STXBP5L: variants seen among roughly 807,000 people sequenced by gnomAD.
STXBP5L encodes the protein syntaxin-binding protein 5-like.
Under a neutral mutation model 144.5 loss-of-function variants are expected in STXBP5L, and 65 were observed. The observed-to-expected ratio is 0.45, with a 90% CI of 0.37 to 0.55. The LOEUF (loss-of-function observed/expected upper bound fraction) is 0.55. Among genes scored for constraint, STXBP5L ranks in the 20% least tolerant of loss-of-function variants. The probability of loss-of-function intolerance (pLI) is 0.00; values close to 1 mark genes in which losing one functional copy is unlikely to be tolerated. For synonymous variants in STXBP5L, 505 were observed against 469.6 expected (o/e 1.08, Z -0.97); for missense variants, 1,298 against 1,405.5 (o/e 0.92, Z 1.22).
intron 9 of STXBP5L, among the ~76,000 whole-genome samples, chr3:121,180,754 A>T (rs1188448173): frequency 6.6e-6 from 1 of 152,154 alleles, no homozygotes; most frequent in Admixed American, 6.5e-5. Context: ...CATGCCTGTA[A>T]TCTCAGCTAC....
chr3:121,203,054 CT>C (rs1223173810), intron 9 of STXBP5L, among the ~76,000 whole-genome samples: 1 of 148,152 alleles, frequency 6.7e-6, no homozygotes, highest in African/African-American at 2.5e-5. Flanking sequence ...GTTCATACTC[CT>C]TCATTCTTTT....
In STXBP5L at chr3:121,102,514, G is replaced by A. The variant is rs1358085756; in HGVS notation, c.471-12411G>A. Among the ~76,000 whole-genome samples the A allele has an allele frequency of 2.6e-5, 4 of 152,170 alleles. No homozygotes were observed. The East Asian group carries it at 7.7e-4, about 29-fold the overall frequency. ...TGTGATACTTGGCTACCCATATGCA[G>A]AAAAATGAACTAGACCTCTACCATA... On this transcript the variant is annotated intron_variant, in intron 5 of 26. Coordinates refer to ENST00000471454, the MANE Select transcript of STXBP5L (RefSeq NM_001308330.2).
chr3:121,045,241 G>T (rs1024513095), intron 4 of STXBP5L, among the ~76,000 whole-genome samples, 194 bp from the exon 5 acceptor site: 1 of 151,914 alleles, frequency 6.6e-6, no homozygotes, highest in African/African-American at 2.4e-5. Context: ...AAATGCAGTG[G>T]GTCAGTTGCC....
At chr3:121,165,087 A>G (rs2108034088) in intron 9 of STXBP5L, among the ~76,000 whole-genome samples, 1 of 152,362 alleles carries the variant, frequency 6.6e-6, no homozygotes, top group East Asian at 1.9e-4. Context: ...TTGCCTCACT[A>G]TAGTAACATG....
chr3:120,936,278 C>T (rs1710260587), intron 2 of STXBP5L, among the ~76,000 whole-genome samples: 1 of 151,946 alleles, frequency 6.6e-6, no homozygotes, highest in Admixed American at 6.6e-5. Context: ...TTTATAAAGC[C>T]CATAGCTTAT....
Position 121,119,043 on chromosome 3 carries a change from A to G in STXBP5L, c.606-2598A>G, listed in dbSNP as rs533139517. Among the ~76,000 whole-genome samples, 28 of 151,636 alleles carry G rather than the reference A, an allele frequency of 1.8e-4. No homozygotes were observed. In the South Asian group the frequency reaches 5.8e-3, roughly 31 times the overall value. ...AGATGAACAGATGAAATTGTGCATA[A>G]AGAGTATGTAGAGAAAAGTTAGCAA... On this transcript the variant is annotated intron_variant, in intron 6 of 26. Coordinates refer to ENST00000471454, the MANE Select transcript of STXBP5L (RefSeq NM_001308330.2).
At chr3:121,023,286 A>G (rs1945694116) in intron 3 of STXBP5L, among the ~76,000 whole-genome samples, 1 of 152,184 alleles carries the variant, frequency 6.6e-6, no homozygotes, top group Non-Finnish European at 1.5e-5. Flanking sequence ...TCATGGATGG[A>G]TAGAATCAGT....
At chr3:121,360,912 T>G (rs1289241854) in intron 20 of STXBP5L, among the ~76,000 whole-genome samples, 1 of 152,188 alleles carries the variant, frequency 6.6e-6, no homozygotes, top group Non-Finnish European at 1.5e-5. Context: ...GGTTATATAT[T>G]GCTCATTAAT....
At chr3:121,057,869 C>T (rs931914984) in intron 5 of STXBP5L, among the ~76,000 whole-genome samples, 6 of 151,994 alleles carry the variant, frequency 3.9e-5, no homozygotes, top group South Asian at 4.1e-4. Context: ...CTGTCTCTCA[C>T]TCTATCTTCC....
intron 9 of STXBP5L, among the ~76,000 whole-genome samples, chr3:121,199,597 A>G (rs2048058412): frequency 6.6e-6 from 1 of 152,210 alleles, no homozygotes; most frequent in Admixed American, 6.5e-5. Context: ...TTGCACATTC[A>G]GTATGATATT....
chr3:121,213,340 T>C (rs112120136), intron 10 of STXBP5L, among the ~76,000 whole-genome samples: 2 of 152,336 alleles, frequency 1.3e-5, no homozygotes, highest in African/African-American at 4.8e-5. Flanking sequence ...TGATATTGGC[T>C]GTGGGTTTCT....
chr3:121,010,973 C>A (rs952767974), intron 3 of STXBP5L, among the ~76,000 whole-genome samples: 1 of 150,304 alleles, frequency 6.7e-6, no homozygotes, highest in Non-Finnish European at 1.5e-5. Context: ...GTTCAAGGGC[C>A]GATTGTACTT....
At chr3:121,006,821 C>G (rs1488164521) in intron 3 of STXBP5L, among the ~76,000 whole-genome samples, 2 of 152,080 alleles carry the variant, frequency 1.3e-5, no homozygotes, top group Non-Finnish European at 2.9e-5. Context: ...CTTAGTTTGG[C>G]TGTATATGAA....
At chr3:121,032,020 C>T (rs561511005) in intron 3 of STXBP5L, among the ~76,000 whole-genome samples, 1 of 151,966 alleles carries the variant, frequency 6.6e-6, no homozygotes, top group Non-Finnish European at 1.5e-5. Context: ...GTGGTACATG[C>T]AAGTAGAGTG....
chr3:121,042,876 AT>A (rs1418865788), intron 4 of STXBP5L, among the ~76,000 whole-genome samples: 32 of 151,910 alleles, frequency 2.1e-4, no homozygotes, highest in African/African-American at 7.7e-4. Context: ...TTTGAAAAAT[AT>A]TTCATTGTAA....
intron 20 of STXBP5L, among the ~76,000 whole-genome samples, chr3:121,326,863 C>G (rs992412066): frequency 2.0e-5 from 3 of 152,066 alleles, no homozygotes; most frequent in African/African-American, 7.2e-5. Flanking sequence ...TTCGTTGTAG[C>G]TTAGCCATAA....
intron 9 of STXBP5L, among the ~76,000 whole-genome samples, chr3:121,187,565 A>T (rs1035231824): frequency 2.7e-4 from 40 of 149,894 alleles, no homozygotes; most frequent in African/African-American, 9.3e-4. Flanking sequence ...TAATAAAAAT[A>T]AAAAATGAAA....
chr3:121,048,885 G>T (rs573442315), intron 5 of STXBP5L, among the ~76,000 whole-genome samples: 6 of 152,074 alleles, frequency 3.9e-5, no homozygotes, highest in African/African-American at 1.4e-4. Flanking sequence ...GAGGCATGTG[G>T]ACAAGTCTGG....
At chr3:121,123,641 GTTATTC>G (rs2044573876) in intron 7 of STXBP5L, among the ~76,000 whole-genome samples, 1 of 151,494 alleles carries the variant, frequency 6.6e-6, no homozygotes, top group Non-Finnish European at 1.5e-5. Flanking sequence ...AATGGTCAAA[GTTATTC>G]TTATTTTATT....
Sources: gnomAD v4.1 joint callset for allele counts (sites outside exome capture counted in the v4.1 genomes callset) on GRCh38, gnomAD v4.1.1 for gene constraint, MANE v1.5 for transcripts, NCBI Gene and HGNC (gene_info 2026-07-23, HGNC 2026-07-21) for gene names.